Variants in FANK1 observed in about 807,000 individuals in gnomAD.
The protein encoded by FANK1 is fibronectin type III and ankyrin repeat domains 1.
A neutral mutation model predicts 45.3 loss-of-function variants in FANK1; 44 were observed. The ratio of observed to expected loss-of-function variants is 0.97; its 90% confidence interval spans 0.76 to 1.25. The LOEUF (loss-of-function observed/expected upper bound fraction) is 1.25. Among genes scored for constraint, FANK1 ranks in the 50% most tolerant of loss-of-function variants. The probability of loss-of-function intolerance (pLI) is 0.00; values close to 1 mark genes in which losing one functional copy is unlikely to be tolerated. For missense variants in FANK1, 391 were observed against 424.4 expected, an observed-to-expected ratio of 0.92 and a Z score of 0.69; for synonymous variants, 149 against 152.5, an observed-to-expected ratio of 0.98 and a Z score of 0.17.
chr10:125,898,618 AGAG>A (rs1438944619), intron 1 of FANK1, among the ~76,000 whole-genome samples: 1 of 151,984 alleles, frequency 6.6e-6, no homozygotes, highest in Non-Finnish European at 1.5e-5. Flanking sequence ...GTAGCTAAGG[AGAG>A]GAGGAGGAAA....
intron 1 of FANK1, chr10:125,972,914 A>ACG (rs1449053626): frequency 6.5e-6 from 1 of 154,768 alleles, no homozygotes; most frequent in African/African-American, 2.4e-5. Flanking sequence ...ACACACACAC[A>ACG]CACACACACA....
At chr10:125,968,060 T>C (rs756886059) in intron 1 of FANK1, among the ~76,000 whole-genome samples, 1 of 152,054 alleles carries the variant, frequency 6.6e-6, no homozygotes, top group Non-Finnish European at 1.5e-5. Context: ...AATGGTACCT[T>C]ACAGTTATTT....
At chr10:125,899,684 A>G (rs1407210977) in intron 1 of FANK1, among the ~76,000 whole-genome samples, 1 of 152,234 alleles carries the variant, frequency 6.6e-6, no homozygotes, top group Non-Finnish European at 1.5e-5. Flanking sequence ...ACTGTCAGCC[A>G]TAATGGAAGC....
chr10:125,919,850 A>G (rs113153281), intron 1 of FANK1, among the ~76,000 whole-genome samples: 6 of 151,964 alleles, frequency 3.9e-5, no homozygotes, highest in East Asian at 2.0e-4. Flanking sequence ...TCTCTTGGGA[A>G]TGCTCATTCC....
chr10:125,962,801 T>C (rs992812964), intron 1 of FANK1, among the ~76,000 whole-genome samples: 1 of 152,072 alleles, frequency 6.6e-6, no homozygotes, highest in Non-Finnish European at 1.5e-5. Context: ...TTTCGTTTCC[T>C]TGCATATTGG....
intron 1 of FANK1, among the ~76,000 whole-genome samples, chr10:125,942,593 CA>C (rs1298192051): frequency 6.6e-6 from 1 of 151,948 alleles, no homozygotes; most frequent in African/African-American, 2.4e-5. Context: ...TAACTAAAAA[CA>C]AGAAAATAAA....
chr10:126,007,910 A>C (rs1274908364), intron 7 of FANK1, among the ~76,000 whole-genome samples: 1 of 152,244 alleles, frequency 6.6e-6, no homozygotes, highest in Non-Finnish European at 1.5e-5. Context: ...GTTTTGGAGA[A>C]GCCTTTAGTC....
In FANK1 at chr10:126,006,553, T is replaced by C. The variant is rs891018128; in HGVS notation, c.705+1504T>C. Among the ~76,000 whole-genome samples the C allele has an allele frequency of 4.6e-5, 7 of 152,156 alleles. No individual in the cohort carries two copies. The South Asian group carries it at 1.2e-3, about 27-fold the overall frequency. ...CTGTGGTTGAAAAAGAAGGTTGTAC[T>C]TTGCTGAAAGAAGTCAAGCATCGGG... On this transcript the variant is annotated intron_variant, in intron 7 of 10. Transcript: ENST00000368693.
At chr10:125,902,049 G>A (rs1304973810) in intron 1 of FANK1, among the ~76,000 whole-genome samples, 1 of 152,140 alleles carries the variant, frequency 6.6e-6, no homozygotes, top group Non-Finnish European at 1.5e-5. Context: ...AACCTGGGAG[G>A]TGGAGGTTGC....
chr10:125,907,484 T>C, intron 1 of FANK1: 1 of 985,420 alleles, frequency 1.0e-6, no homozygotes, highest in Non-Finnish European at 1.2e-6. Context: ...CTCAGCCTTT[T>C]GGATGAAATC....
chr10:125,897,251 TTC>T (rs1215507501), intron 1 of FANK1, among the ~76,000 whole-genome samples: 3 of 152,376 alleles, frequency 2.0e-5, no homozygotes, highest in Admixed American at 6.5e-5. Flanking sequence ...TAATCTCTTT[TTC>T]TGTTTTCCCA....
chr10:125,949,944 C>T (rs1455020114), intron 1 of FANK1, among the ~76,000 whole-genome samples: 1 of 134,990 alleles, frequency 7.4e-6, no homozygotes, highest in Non-Finnish European at 1.6e-5. Context: ...CAGAACAGAG[C>T]CCTCAGAAAT....
At chr10:125,935,131 A>T (rs1948013745) in intron 1 of FANK1, among the ~76,000 whole-genome samples, 1 of 152,102 alleles carries the variant, frequency 6.6e-6, no homozygotes, top group African/African-American at 2.4e-5. Flanking sequence ...CTGTCTTGGG[A>T]CATCCCCCCA....
chr10:125,994,575 G>A, intron 3 of FANK1: 1 of 985,396 alleles, frequency 1.0e-6, no homozygotes, highest in Non-Finnish European at 1.2e-6. Flanking sequence ...CTTACGATGT[G>A]TCAGGTGCTA....
chr10:126,008,134 A>G (rs1475233217), intron 7 of FANK1, among the ~76,000 whole-genome samples: 2 of 151,952 alleles, frequency 1.3e-5, no homozygotes, highest in Non-Finnish European at 2.9e-5. Flanking sequence ...GAAAATAAGA[A>G]CTCCCCAGGG....
chr10:125,921,391 A>G (rs1371200345), intron 1 of FANK1, among the ~76,000 whole-genome samples: 1 of 152,122 alleles, frequency 6.6e-6, no homozygotes, highest in Non-Finnish European at 1.5e-5. Context: ...AATCCATTGT[A>G]TAAATACTAC....
At chr10:125,928,337 G>A (rs138315162) in intron 1 of FANK1, among the ~76,000 whole-genome samples, 3,241 of 150,138 alleles carry the variant, frequency 0.022, 140 homozygotes, top group African/African-American at 0.075. Flanking sequence ...CTGTCGTGGT[G>A]CTAGTGGGAG....
intron 1 of FANK1, chr10:125,974,832 TTGTG>T (rs1950757266): frequency 2.6e-5 from 4 of 152,338 alleles, no homozygotes; most frequent in Admixed American, 2.0e-4. Context: ...CTATGTGTCT[TTGTG>T]TGTATCTATT....
At chr10:125,914,007 T>C (rs1424944318) in intron 1 of FANK1, among the ~76,000 whole-genome samples, 1 of 152,018 alleles carries the variant, frequency 6.6e-6, no homozygotes, top group Non-Finnish European at 1.5e-5. Context: ...TGGATCTCCT[T>C]CTCCACCCAG....
Sources: allele counts gnomAD v4.1 joint callset (sites outside exome capture counted in the v4.1 genomes callset), GRCh38; gene constraint gnomAD v4.1.1; transcripts MANE v1.5; gene names NCBI Gene and HGNC (gene_info 2026-07-23, HGNC 2026-07-21).